Variants in XIRP2 observed in about 807,000 individuals in gnomAD.
XIRP2 encodes xin actin-binding repeat-containing protein 2.
In XIRP2, 236 loss-of-function variants were observed where a neutral mutation model predicts 277.0. The ratio of observed to expected loss-of-function variants is 0.85; its 90% CI spans 0.77 to 0.95. XIRP2 has a LOEUF of 0.95. XIRP2 is among the 40% of genes least tolerant of loss of function. XIRP2 has a pLI of 0.00. For missense variants in XIRP2, 4,640 were observed against 4,157.5 expected, an observed-to-expected ratio of 1.12 and a Z score of -3.19; for synonymous variants, 1,490 against 1,416.5, an observed-to-expected ratio of 1.05 and a Z score of -1.17.
At chr2:167,017,508 T>C (rs776321453) in intron 2 of XIRP2, among the ~76,000 whole-genome samples, 1 of 151,970 alleles carries the variant, frequency 6.6e-6, no homozygotes, top group Non-Finnish European at 1.5e-5. Context: ...CAGAGTCCAT[T>C]ATGCTTTTGT....
intron 2 of XIRP2, among the ~76,000 whole-genome samples, chr2:167,104,185 T>A (rs961466599): frequency 3.3e-5 from 5 of 152,158 alleles, no homozygotes. Context: ...GATTTTAGTA[T>A]TTTTACTTGG....
chr2:167,155,042 C>A (rs531373142), intron 3 of XIRP2, among the ~76,000 whole-genome samples: 22,315 of 151,370 alleles, frequency 0.15, 2,502 homozygotes, highest in African/African-American at 0.32. Context: ...CAAGACTAAA[C>A]CAGGAAGAAG....
At chr2:166,972,985 T>G (rs1686618557) in intron 2 of XIRP2, among the ~76,000 whole-genome samples, 1 of 152,216 alleles carries the variant, frequency 6.6e-6, no homozygotes, top group Non-Finnish European at 1.5e-5. Context: ...AAAGCACATT[T>G]CATGCCTCCA....
intron 2 of XIRP2, among the ~76,000 whole-genome samples, chr2:166,984,853 T>A (rs1686960895): frequency 6.6e-6 from 1 of 152,228 alleles, no homozygotes; most frequent in Admixed American, 6.5e-5. Flanking sequence ...GCCAGGGCAC[T>A]CATGTGTTTA....
intron 2 of XIRP2, among the ~76,000 whole-genome samples, chr2:167,085,878 G>A (rs1165906089): frequency 2.6e-5 from 4 of 152,194 alleles, no homozygotes; most frequent in South Asian, 4.2e-4. Context: ...CACACTGAAG[G>A]GTCTTGACTC....
At chr2:167,045,036 GA>G (rs1046327080) in intron 2 of XIRP2, among the ~76,000 whole-genome samples, 2 of 150,898 alleles carry the variant, frequency 1.3e-5, no homozygotes, top group African/African-American at 2.4e-5. Flanking sequence ...CATACTATTG[GA>G]AAAAAAAGAA....
chr2:167,095,155 C>T (rs949688258), intron 2 of XIRP2, among the ~76,000 whole-genome samples: 2 of 152,112 alleles, frequency 1.3e-5, no homozygotes, highest in African/African-American at 2.4e-5. Flanking sequence ...GATTTTTGCA[C>T]ATTGATTTTG....
At chr2:167,117,838 C>T (rs1288815238) in intron 2 of XIRP2, among the ~76,000 whole-genome samples, 1 of 152,172 alleles carries the variant, frequency 6.6e-6, no homozygotes, top group Non-Finnish European at 1.5e-5. Flanking sequence ...CATGAGCTAA[C>T]ATTTGGAAAT....
chr2:167,001,705 C>A (rs1030257633), intron 2 of XIRP2, among the ~76,000 whole-genome samples: 1 of 152,068 alleles, frequency 6.6e-6, no homozygotes, highest in Non-Finnish European at 1.5e-5. Context: ...GCCCCTAGTA[C>A]AAAAACATAT....
chr2:167,024,238 G>A (rs1465366432), intron 2 of XIRP2, among the ~76,000 whole-genome samples: 1 of 152,090 alleles, frequency 6.6e-6, no homozygotes, highest in African/African-American at 2.4e-5. Flanking sequence ...GTTCACTCAT[G>A]ATTTGGCTCT....
chr2:167,076,565 G>A (rs1201712408), intron 2 of XIRP2, among the ~76,000 whole-genome samples: 4 of 152,124 alleles, frequency 2.6e-5, no homozygotes, highest in Non-Finnish European at 5.9e-5. Context: ...AGATGAAGGA[G>A]GTCCATATAT....
At chr2:166,997,088 G>A (rs1163921394) in intron 2 of XIRP2, among the ~76,000 whole-genome samples, 2 of 152,182 alleles carry the variant, frequency 1.3e-5, no homozygotes, top group African/African-American at 2.4e-5. Flanking sequence ...GGACCTAAAT[G>A]TAAGGTCATA....
rs1360965286 is a variant in XIRP2, at chr2:167,247,642, A to G, written c.6250A>G (p.Thr2084Ala). 6.2e-7 allele frequency: 1 copy of G among 1,613,676 alleles called. No individual in the cohort carries two copies. The highest frequency in any genetic ancestry group is 1.1e-5 in the South Asian group (1 of 91,068). ...AGATGAATATATGAGCAGACAATTAACTTCAACTGTGTCAGTTAAGAATAA... is the reference window on the plus strand; with the variant it reads ...AGATGAATATATGAGCAGACAATTAGCTTCAACTGTGTCAGTTAAGAATAA... The part of the protein sequence containing the change: ...LRDEYMSRQL[T>A]STVSVKNNLT... Residue 2084 changes from threonine (T) to alanine (A), a missense_variant, in exon 9 of 11, where the codon ACT (threonine) becomes GCT (alanine). Transcript: ENST00000409195.
chr2:167,207,058 C>T (rs1159915559), intron 3 of XIRP2, among the ~76,000 whole-genome samples: 1 of 151,948 alleles, frequency 6.6e-6, no homozygotes, highest in Non-Finnish European at 1.5e-5. Flanking sequence ...AGCCATTGAC[C>T]TTTATTTCCA....
chr2:167,101,957 G>A (rs906671880), intron 2 of XIRP2, among the ~76,000 whole-genome samples: 29 of 152,074 alleles, frequency 1.9e-4, no homozygotes, highest in African/African-American at 4.8e-4. Context: ...AGTTATTGTC[G>A]AGGAAAGGGG....
In XIRP2 at chr2:167,110,983, G is replaced by T. The variant is rs528874930; in HGVS notation, c.409-24926G>T. On this transcript the variant is annotated intron_variant, in intron 2 of 10. Transcript: ENST00000409195. ...TTTGGCTCTAGGCTTGGATGTTGTT[G>T]GTGTATAGGAGTGCTAGTGATTTTT... Among the ~76,000 whole-genome samples, 357 of 152,122 alleles carry T rather than the reference G, an allele frequency of 2.3e-3. 2 individuals are homozygous for T. The highest frequency in any genetic ancestry group is 3.6e-3 in the Non-Finnish European group (243 of 67,962).
At chr2:167,075,778 A>G (rs915190856) in intron 2 of XIRP2, among the ~76,000 whole-genome samples, 1 of 150,238 alleles carries the variant, frequency 6.7e-6, no homozygotes, top group Non-Finnish European at 1.5e-5. Flanking sequence ...AGTAACTGGG[A>G]TTACAGGCAC....
chr2:167,240,706 T>C lies in XIRP2; in HGVS notation c.1012T>C (p.Ser338Pro), dbSNP rs562045969. 13 of 1,613,936 alleles carry C rather than the reference T, an allele frequency of 8.1e-6. No homozygotes were observed. Among genetic ancestry groups the C allele is most frequent in the East Asian group, 4.5e-5 (2 of 44,820 alleles). Reference sequence around the variant, plus strand: ...GCACACCGAGGAAGTAAACCAAGCATCTCAGTTTCATCAATATGTTCAAGA... The same window carrying C: ...GCACACCGAGGAAGTAAACCAAGCACCTCAGTTTCATCAATATGTTCAAGA... ...EKHTEEVNQASQFHQYVQETV... is the reference protein window; with the variant it reads ...EKHTEEVNQAPQFHQYVQETV... Residue 338 changes from serine to proline, a missense_variant, in exon 7 of 11, where the codon TCT becomes CCT. Physicochemically the swap from Ser to Pro is moderately conservative, Grantham distance 74. Coordinates refer to ENST00000409195, the MANE Select transcript of XIRP2 (RefSeq NM_152381.6).
chr2:166,941,497 T>C (rs1190147611), intron 2 of XIRP2, among the ~76,000 whole-genome samples: 1 of 152,110 alleles, frequency 6.6e-6, no homozygotes, highest in African/African-American at 2.4e-5. Flanking sequence ...ACCCAGTACC[T>C]CAGTTGGAAA....
Sources: allele counts gnomAD v4.1 joint callset (sites outside exome capture counted in the v4.1 genomes callset), GRCh38; gene constraint gnomAD v4.1.1; transcripts MANE v1.5; gene names NCBI Gene and HGNC (gene_info 2026-07-23, HGNC 2026-07-21).